The following TRPM7 variants were observed in gnomAD, a reference collection of about 807,000 sequenced individuals.
TRPM7 encodes transient receptor potential cation channel subfamily M member 7, also known as LTRPC ion channel family member 7.
Under a neutral mutation model 229.7 loss-of-function variants are expected in TRPM7, and 134 were observed. The observed-to-expected ratio is 0.58, with a 90% CI of 0.51 to 0.67. The LOEUF (loss-of-function observed/expected upper bound fraction) is 0.67, where lower values mean the gene tolerates loss of function less well. Among genes scored for constraint, TRPM7 ranks in the 30% least tolerant of loss-of-function variants. TRPM7 has a pLI of 0.00. For missense variants in TRPM7, 1,901 were observed against 2,210.0 expected, an observed-to-expected ratio of 0.86 and a Z score of 2.80; for synonymous variants, 699 against 715.2, an observed-to-expected ratio of 0.98 and a Z score of 0.36.
intron 16 of TRPM7, among the ~76,000 whole-genome samples, 200 bp from the exon 17 acceptor site, chr15:50,611,521 T>C (rs141614273): frequency 2.0e-5 from 3 of 152,334 alleles, no homozygotes; most frequent in East Asian, 1.9e-4. Context: ...TGTCGCATTA[T>C]GTACAAGATT....
intron 22 of TRPM7, among the ~76,000 whole-genome samples, chr15:50,597,123 T>G (rs1596141700): frequency 6.6e-6 from 1 of 152,330 alleles, no homozygotes; most frequent in Non-Finnish European, 1.5e-5. Flanking sequence ...AAAATGGGGC[T>G]GAAGAAATAG....
At chr15:50,584,689 T>C (rs2054602725) in intron 28 of TRPM7, among the ~76,000 whole-genome samples, 1 of 151,562 alleles carries the variant, frequency 6.6e-6, no homozygotes, top group Non-Finnish European at 1.5e-5. Flanking sequence ...AAATCTGAAA[T>C]CTGAAACGCT....
chr15:50,587,121 C>T (rs960280852), intron 27 of TRPM7, among the ~76,000 whole-genome samples: 9 of 152,148 alleles, frequency 5.9e-5, no homozygotes, highest in African/African-American at 2.2e-4. Flanking sequence ...ACCTCACCCC[C>T]AAAGAAGCTA....
At chr15:50,646,403 C>T (rs2061266153) in intron 4 of TRPM7, among the ~76,000 whole-genome samples, 1 of 152,248 alleles carries the variant, frequency 6.6e-6, no homozygotes, top group African/African-American at 2.4e-5. Flanking sequence ...CTGCTTCAGG[C>T]TCCCAAGTAG....
chr15:50,584,678 AAAATCTG>A (rs1004869898), intron 28 of TRPM7, among the ~76,000 whole-genome samples: 4 of 151,170 alleles, frequency 2.6e-5, no homozygotes, highest in African/African-American at 9.7e-5. Context: ...TGAGCATCTG[AAAATCTG>A]AAATCTGAAA....
In TRPM7 at chr15:50,569,893, G is replaced by T; in HGVS notation, c.5461C>A (p.Leu1821Ile). The T allele has an allele frequency of 6.3e-7, 1 of 1,599,054 alleles. No individual in the cohort carries two copies. Reference protein sequence around the residue: ...HCNSCCRKLKLPDLKRNDYTP... With the variant: ...HCNSCCRKLKIPDLKRNDYTP... The stretch of plus-strand genomic sequence containing the variant: ...TGATTAAGAAATTTTTTACCTGGAA[G>T]TTTAAGCTTTCTACAGCAAGAATTA... Residue 1821 changes from leucine to isoleucine, a missense_variant, in exon 38 of 39, where the codon CTT (leucine) becomes ATT (isoleucine). This residue lies in a region of TRPM7 where 257 missense variants were observed against 352.0 expected (regional missense o/e 0.73). Transcript: ENST00000646667.
chr15:50,597,445 T>C (rs1191139420), intron 22 of TRPM7, among the ~76,000 whole-genome samples: 1 of 152,254 alleles, frequency 6.6e-6, no homozygotes, highest in East Asian at 1.9e-4. Flanking sequence ...TAAATGGTTT[T>C]ACGGGCAAAT....
chr15:50,662,916 A>T lies in TRPM7; in HGVS notation c.83+51T>A, dbSNP rs373419005. The T allele has an allele frequency of 1.6e-4, 215 of 1,307,358 alleles. 1 individual carries two copies. The African/African-American group carries it at 3.0e-3, about 18-fold the overall frequency. 81.0% of individuals were successfully genotyped at this position (1,307,358 alleles called of 1,614,324 possible). On this transcript the variant is annotated intron_variant, in intron 2 of 38. Transcript: ENST00000646667. Reference sequence around the variant, plus strand: ...TTTCCAATAAAGAAATAACAATATAATTTACACTAAAATTTCTAGAAGACC... The same window carrying T: ...TTTCCAATAAAGAAATAACAATATATTTTACACTAAAATTTCTAGAAGACC...
At chr15:50,675,905 C>T (rs571380370) in intron 1 of TRPM7, among the ~76,000 whole-genome samples, 13 of 152,306 alleles carry the variant, frequency 8.5e-5, no homozygotes, top group African/African-American at 2.9e-4. Context: ...GAGTTAGGAT[C>T]CCAGCTCTGC....
chr15:50,564,261 A>ACATAACATAAC (rs1566928124), intron 38 of TRPM7, among the ~76,000 whole-genome samples: 6 of 51,546 alleles, frequency 1.2e-4, no homozygotes, highest in African/African-American at 3.5e-4. Context: ...AATAAAATAA[A>ACATAACATAAC]ATAAAATAAA....
At chr15:50,649,853 C>T (rs868191117) in intron 3 of TRPM7, among the ~76,000 whole-genome samples, 2 of 152,022 alleles carry the variant, frequency 1.3e-5, no homozygotes, top group African/African-American at 2.4e-5. Context: ...GGAGCTACAA[C>T]GAGAAAGTTC....
chr15:50,590,513 ATACT>A (rs1233956046), intron 26 of TRPM7, among the ~76,000 whole-genome samples: 1 of 152,228 alleles, frequency 6.6e-6, no homozygotes, highest in Non-Finnish European at 1.5e-5. Flanking sequence ...GAACATGCTG[ATACT>A]TACTGCTAGG....
Position 50,567,727 on chromosome 15 carries a change from C to T in TRPM7, c.5467+2160G>A, listed in dbSNP as rs939730648. ...TATTAAAGGAGAAAAACCACATGAT[C>T]ATACCAAAAGATGCAGAAAAAAAAA... On this transcript the variant is annotated intron_variant, in intron 38 of 38. Coordinates refer to ENST00000646667, the MANE Select transcript of TRPM7 (RefSeq NM_017672.6). 1.5e-4 allele frequency among the ~76,000 whole-genome samples: 23 copies of T among 151,874 alleles called. No homozygotes were observed. The South Asian group carries it at 2.5e-3, about 16-fold the overall frequency.
intron 5 of TRPM7, among the ~76,000 whole-genome samples, 185 bp from the exon 6 acceptor site, chr15:50,639,733 ATTT>A (rs553888440): frequency 7.1e-6 from 1 of 140,170 alleles, no homozygotes; most frequent in Non-Finnish European, 1.6e-5. Flanking sequence ...CAGCCGGCTA[ATTT>A]TTTTTTTTTT....
At chr15:50,647,456 GA>G (rs2140822552) in intron 4 of TRPM7, among the ~76,000 whole-genome samples, 1 of 150,408 alleles carries the variant, frequency 6.6e-6, no homozygotes, top group Admixed American at 6.6e-5. Context: ...CTAAAGAACA[GA>G]AAAACAGGCC....
At chr15:50,562,831 G>A (rs1340112799) in intron 38 of TRPM7, among the ~76,000 whole-genome samples, 1 of 151,780 alleles carries the variant, frequency 6.6e-6, no homozygotes, top group Non-Finnish European at 1.5e-5. Context: ...ATGAGGGACA[G>A]ATGGAAGATG....
intron 19 of TRPM7, among the ~76,000 whole-genome samples, chr15:50,609,046 A>G (rs2059994410): frequency 6.6e-6 from 1 of 152,228 alleles, no homozygotes; most frequent in South Asian, 2.1e-4. Flanking sequence ...CCTGCTAGTA[A>G]AATCAATTTT....
In TRPM7 at chr15:50,612,589, G is replaced by T. The variant is rs1490089434; in HGVS notation, c.2011C>A (p.Leu671Met). Residue 671 changes from leucine (L) to methionine (M), a missense_variant, in exon 16 of 39, where the codon CTG becomes ATG. By Grantham distance (15) the Leu-to-Met change is conservative. Transcript: ENST00000646667. ...AGTTCTTCTGAAGTATCATCTACCA[G>T]GTCACTCTGCTTTGCTTCATATGCC... ...SMAYEAKQSD[L>M]VDDTSEELKQ... 6.2e-7 allele frequency: 1 copy of T among 1,613,762 alleles called. No individual in the cohort carries two copies. The highest frequency in any genetic ancestry group is 8.5e-7 in the Non-Finnish European group (1 of 1,179,862).
At chr15:50,600,933 T>C (rs894604519) in intron 21 of TRPM7, among the ~76,000 whole-genome samples, 8 of 152,202 alleles carry the variant, frequency 5.3e-5, no homozygotes, top group Non-Finnish European at 7.3e-5. Context: ...AAATTCTTAA[T>C]TGGGTGTTCT....
Sources: allele counts gnomAD v4.1 joint callset (sites outside exome capture counted in the v4.1 genomes callset), GRCh38; gene constraint gnomAD v4.1.1; regional missense constraint gnomAD v4.1.1; transcripts MANE v1.5; gene names NCBI Gene and HGNC (gene_info 2026-07-23, HGNC 2026-07-21).